PCDHGB2: variants seen among roughly 807,000 people sequenced by gnomAD.
The protein encoded by PCDHGB2 is protocadherin gamma-B2.
A neutral mutation model predicts 59.3 loss-of-function variants in PCDHGB2; 55 were observed. The ratio of observed to expected loss-of-function variants is 0.93; its 90% confidence interval spans 0.75 to 1.16. The LOEUF is 1.16. PCDHGB2 is among the 50% of genes most tolerant of loss of function. The probability of loss-of-function intolerance (pLI) is 0.00; values close to 1 mark genes in which losing one functional copy is unlikely to be tolerated. For synonymous variants in PCDHGB2, 516 were observed against 512.0 expected (o/e 1.01, Z -0.11); for missense variants, 1,228 against 1,198.5 (o/e 1.02, Z -0.36).
chr5:141,471,717 C>T (rs1196344901), intron 1 of PCDHGB2, among the ~76,000 whole-genome samples: 1 of 152,022 alleles, frequency 6.6e-6, no homozygotes, highest in Non-Finnish European at 1.5e-5. Flanking sequence ...GTGCCACTTA[C>T]CAGGTAAGGA....
intron 1 of PCDHGB2, chr5:141,372,143 G>A: frequency 6.2e-7 from 1 of 1,613,784 alleles, no homozygotes. Context: ...GCTCTGCAGA[G>A]CCTGGCTACC....
intron 1 of PCDHGB2, chr5:141,427,741 C>T (rs748636652): frequency 8.1e-7 from 1 of 1,240,376 alleles, no homozygotes; most frequent in Non-Finnish European, 1.2e-6. Context: ...GGCCAAGTCT[C>T]CTACTCCATC....
rs1327490895 is a variant in PCDHGB2, at chr5:141,487,672, G to A, written c.2422-7135G>A. The stretch of plus-strand genomic sequence containing the variant: ...AGGGTTATTCTGATCCAGGCATATG[G>A]CTAGGCCATGTCCTAGAGAGTACTG... On this transcript the variant is annotated intron_variant, in intron 1 of 3. Coordinates refer to ENST00000522605, the MANE Select transcript of PCDHGB2 (RefSeq NM_018923.3). This position sits in a 1 kb window ranked among gnomAD's most constrained non-coding sequence, Gnocchi z 5.0. 6.2e-7 allele frequency: 1 copy of A among 1,611,484 alleles called. No individual in the cohort carries two copies. Among genetic ancestry groups the A allele is most frequent in the Non-Finnish European group, 8.5e-7 (1 of 1,178,612 alleles).
intron 1 of PCDHGB2, among the ~76,000 whole-genome samples, chr5:141,456,033 G>A (rs1398584179): frequency 6.6e-6 from 1 of 151,884 alleles, no homozygotes; most frequent in Non-Finnish European, 1.5e-5. Flanking sequence ...GAGTAGCTGG[G>A]ACTACAGGCG....
intron 1 of PCDHGB2, chr5:141,374,833 T>A (rs761729063): frequency 6.2e-7 from 1 of 1,613,930 alleles, no homozygotes; most frequent in East Asian, 2.2e-5. Context: ...ACCGTGTAAG[T>A]GTTCCTGAAA....
chr5:141,419,610 C>T (rs779657777), intron 1 of PCDHGB2: 162 of 1,612,012 alleles, frequency 1.0e-4, no homozygotes, highest in Non-Finnish European at 1.3e-4. Flanking sequence ...GCCGCGCAGC[C>T]AGGCTACCTG....
intron 1 of PCDHGB2, chr5:141,403,929 G>T: frequency 6.2e-7 from 1 of 1,613,854 alleles, no homozygotes; most frequent in Non-Finnish European, 8.5e-7. Flanking sequence ...GATGGTGGGG[G>T]ATTGAAAGGG....
intron 1 of PCDHGB2, chr5:141,399,154 G>T (rs780620346): frequency 1.2e-6 from 2 of 1,613,850 alleles, no homozygotes; most frequent in South Asian, 1.1e-5. Context: ...TAGCCCAGAA[G>T]TTACATTCCA....
intron 1 of PCDHGB2, chr5:141,384,779 G>T (rs1252058358): frequency 6.2e-7 from 1 of 1,613,592 alleles, no homozygotes; most frequent in Non-Finnish European, 8.5e-7. Context: ...GGCGAGGTGC[G>T]CACGGCTCGG....
intron 1 of PCDHGB2, chr5:141,403,610 C>T: frequency 6.2e-7 from 1 of 1,613,860 alleles, no homozygotes; most frequent in Non-Finnish European, 8.5e-7. Context: ...TGGCGGCGAG[C>T]CGCGTCGCTC....
At chr5:141,375,110 A>C in intron 1 of PCDHGB2, 1 of 1,613,972 alleles carries the variant, frequency 6.2e-7, no homozygotes, top group Non-Finnish European at 8.5e-7. Flanking sequence ...TGTCAATGAT[A>C]ATGTACCAGA....
chr5:141,409,513 C>G (rs2095276446), intron 1 of PCDHGB2: 1 of 1,614,030 alleles, frequency 6.2e-7, no homozygotes, highest in South Asian at 1.1e-5. Flanking sequence ...CCAGTAGAAG[C>G]ATCACCTTGT....
At chr5:141,366,687 A>C in intron 1 of PCDHGB2, 1 of 1,614,248 alleles carries the variant, frequency 6.2e-7, no homozygotes, top group Non-Finnish European at 8.5e-7. Context: ...GAGAGCTGTG[A>C]GAAAAGCGAG....
Position 141,503,868 on chromosome 5 carries a change from G to A in PCDHGB2, c.2481-1525G>A, listed in dbSNP as rs928240898. Among the ~76,000 whole-genome samples, 24 of 152,202 alleles carry A rather than the reference G, an allele frequency of 1.6e-4. No individual in the cohort carries two copies. The South Asian group carries it at 4.1e-3, about 26-fold the overall frequency. ...TTGGAAAAATTGTAAAGCAGTTCTT[G>A]GTTGTGCTCACCCACCATGACAAAA... On this transcript the variant is annotated intron_variant, in intron 2 of 3. Coordinates refer to ENST00000522605, the MANE Select transcript of PCDHGB2 (RefSeq NM_018923.3).
chr5:141,413,723 C>G, intron 1 of PCDHGB2: 1 of 1,613,552 alleles, frequency 6.2e-7, no homozygotes, highest in Non-Finnish European at 8.5e-7. Context: ...AAGCACTTCT[C>G]CCTAAGAGTT....
chr5:141,389,481 C>A, intron 1 of PCDHGB2: 1 of 1,613,080 alleles, frequency 6.2e-7, no homozygotes, highest in Non-Finnish European at 8.5e-7. Context: ...ACTGCAGGCC[C>A]GCGACCAGGG....
chr5:141,391,196 T>C (rs887079701), intron 1 of PCDHGB2: 1 of 152,158 alleles, frequency 6.6e-6, no homozygotes, highest in Non-Finnish European at 1.5e-5. Flanking sequence ...ACAAAATATA[T>C]ACAAAATACC....
chr5:141,477,296 G>C lies in PCDHGB2; in HGVS notation c.2422-17511G>C. On this transcript the variant is annotated intron_variant, in intron 1 of 3. Transcript: ENST00000522605. This position sits in a 1 kb window ranked among gnomAD's most constrained non-coding sequence, Gnocchi z 4.9. ...GCTGGTGACCTGCGAAGTTCCACCG[G>C]GTCTCCCTTTCAGCCTTACTTCTTC... 3 of 1,614,064 alleles carry C rather than the reference G, an allele frequency of 1.9e-6. No individual in the cohort carries two copies. Among genetic ancestry groups the C allele is most frequent in the African/African-American group, 1.3e-5 (1 of 75,014 alleles).
At position 141,413,764 on chromosome 5, in the gene PCDHGB2, G is replaced by A. The variant is rs749419039; in HGVS notation, c.2421+51208G>A. 28 of 1,612,716 alleles carry A rather than the reference G, an allele frequency of 1.7e-5. No individual in the cohort carries two copies. Among genetic ancestry groups the A allele is most frequent in the Non-Finnish European group, 2.2e-5 (26 of 1,179,878 alleles). On this transcript the variant is annotated intron_variant, in intron 1 of 3. Coordinates refer to ENST00000522605, the MANE Select transcript of PCDHGB2 (RefSeq NM_018923.3). ...CCGTGCCAATGGCGTCAAGTACCCG[G>A]AGCTGGTACTGGAGCACTCCCTAGA... is the stretch of plus-strand genomic sequence containing the variant.
Sources: allele counts gnomAD v4.1 joint callset (sites outside exome capture counted in the v4.1 genomes callset), GRCh38; gene constraint gnomAD v4.1.1; non-coding constraint Gnocchi (gnomAD v3.1); transcripts MANE v1.5; gene names NCBI Gene and HGNC (gene_info 2026-07-23, HGNC 2026-07-21).